The following SHISA9 variants were observed in gnomAD, a reference collection of about 807,000 sequenced individuals.
SHISA9 encodes the protein protein shisa-9.
Under a neutral mutation model 38.0 loss-of-function variants are expected in SHISA9, and 13 were observed. The observed-to-expected ratio is 0.34, with a 90% CI of 0.22 to 0.54. SHISA9 has a LOEUF of 0.54. Ranked by LOEUF, SHISA9 falls within the 20% of genes least tolerant of loss-of-function variation. SHISA9 has a pLI of 0.91. For missense variants in SHISA9, 538 were observed against 575.8 expected, an observed-to-expected ratio of 0.93 and a Z score of 0.67; for synonymous variants, 275 against 242.0, an observed-to-expected ratio of 1.14 and a Z score of -1.27.
chr16:13,087,793 G>A (rs1356589679), intron 2 of SHISA9, among the ~76,000 whole-genome samples: 1 of 152,126 alleles, frequency 6.6e-6, no homozygotes, highest in Admixed American at 6.5e-5. Context: ...TCACTCTGAT[G>A]GTAGTTTCTT....
intron 2 of SHISA9, among the ~76,000 whole-genome samples, chr16:13,118,220 G>T (rs2074050383): frequency 6.6e-6 from 1 of 151,514 alleles, no homozygotes; most frequent in South Asian, 2.1e-4. Context: ...CTAGAGCTGG[G>T]AGATGACACA....
chr16:13,170,943 C>T (rs949945181), intron 2 of SHISA9, among the ~76,000 whole-genome samples: 1 of 152,138 alleles, frequency 6.6e-6, no homozygotes, highest in Non-Finnish European at 1.5e-5. Flanking sequence ...AGGCGTCAAC[C>T]ACCGCGCTGG....
the SHISA9 span, among the ~76,000 whole-genome samples, chr16:13,271,393 C>G: frequency 1.3e-5 from 2 of 152,166 alleles, no homozygotes; most frequent in Non-Finnish European, 2.9e-5. Flanking sequence ...TTGAGAACCA[C>G]AGATGTAGAC....
At chr16:13,541,468 C>G in the SHISA9 span, among the ~76,000 whole-genome samples, 3 of 152,180 alleles carry the variant, frequency 2.0e-5, no homozygotes, top group Non-Finnish European at 4.4e-5. Flanking sequence ...TTGCAGTCTA[C>G]AAACCATTTA....
the SHISA9 span, among the ~76,000 whole-genome samples, chr16:13,458,941 C>T: frequency 6.6e-6 from 1 of 151,726 alleles, no homozygotes; most frequent in Admixed American, 6.6e-5. Flanking sequence ...GATCTCGGCT[C>T]ACTGCAACCT....
At chr16:12,970,203 G>T (rs1049429592) in intron 2 of SHISA9, among the ~76,000 whole-genome samples, 2 of 147,080 alleles carry the variant, frequency 1.4e-5, no homozygotes, top group African/African-American at 2.5e-5. Flanking sequence ...AGATTTAGGG[G>T]GTACAAGTGC....
At chr16:12,933,230 T>G (rs540152840) in intron 2 of SHISA9, among the ~76,000 whole-genome samples, 2 of 152,304 alleles carry the variant, frequency 1.3e-5, no homozygotes, top group African/African-American at 4.8e-5. Flanking sequence ...CAGACCACCA[T>G]AAAACCACAT....
Position 13,059,489 on chromosome 16 carries a change from G to C in SHISA9, c.691+142674G>C, listed in dbSNP as rs2073350005. On this transcript the variant is annotated intron_variant, in intron 2 of 4. Transcript: ENST00000558583. ...TGTAAACATGTGGACATGTGGGTGG[G>C]GGACATCACATACTGGGGCCTGTCA... Among the ~76,000 whole-genome samples the C allele has an allele frequency of 2.0e-5, 3 of 151,994 alleles. No individual in the cohort carries two copies. In the South Asian group the frequency reaches 6.2e-4, roughly 32 times the overall value.
intron 2 of SHISA9, among the ~76,000 whole-genome samples, chr16:12,987,541 C>G (rs1236876508): frequency 6.6e-6 from 1 of 152,088 alleles, no homozygotes; most frequent in Admixed American, 6.6e-5. Context: ...GGAAGCTGAA[C>G]AATGAGAACA....
rs774073391 is a variant in SHISA9, at chr16:12,902,469, C to A, written c.405C>A (p.Pro135=). ...TCTGGCTCAACACCGGCAAGCCCCC[C>A]GCCCGCAAGGACGACCCCTTGCACG... ...TPLWLNTGKP[P]ARKDDPLHDP... Residue 135 remains proline (P), a synonymous_variant, in exon 1 of 5, where the codon CCC becomes CCA. Coordinates refer to ENST00000558583, the MANE Select transcript of SHISA9 (RefSeq NM_001145204.3). 3.9e-6 allele frequency: 6 copies of A among 1,551,546 alleles called. No homozygotes were observed. The South Asian group carries it at 7.1e-5, about 18-fold the overall frequency.
chr16:12,929,560 G>T (rs2071437032), intron 2 of SHISA9, among the ~76,000 whole-genome samples: 1 of 151,960 alleles, frequency 6.6e-6, no homozygotes, highest in Non-Finnish European at 1.5e-5. Flanking sequence ...AACACTGCAT[G>T]TTCTTACTTA....
chr16:13,441,343 C>G, the SHISA9 span, among the ~76,000 whole-genome samples: 3 of 152,190 alleles, frequency 2.0e-5, no homozygotes, highest in Non-Finnish European at 4.4e-5. Context: ...AATTTGTGCA[C>G]CTACTTGGCA....
At chr16:13,348,907 C>T in the SHISA9 span, among the ~76,000 whole-genome samples, 2 of 152,084 alleles carry the variant, frequency 1.3e-5, no homozygotes, top group Non-Finnish European at 2.9e-5. Context: ...TTGCACTCTC[C>T]ATTTGCCTCG....
the SHISA9 span, among the ~76,000 whole-genome samples, chr16:13,503,664 G>T: frequency 6.8e-6 from 1 of 146,338 alleles, no homozygotes; most frequent in African/African-American, 2.6e-5. Flanking sequence ...CACAGGGCCA[G>T]CGTTCTTGAT....
At position 13,214,668 on chromosome 16, in the gene SHISA9, G is replaced by A. The variant is rs181557457; in HGVS notation, c.895+1368G>A. 1.3e-3 allele frequency among the ~76,000 whole-genome samples: 201 copies of A among 152,320 alleles called. 1 individual carries two copies. The highest frequency in any genetic ancestry group is 4.7e-3 in the African/African-American group (195 of 41,570). On this transcript the variant is annotated intron_variant, in intron 4 of 4. Transcript: ENST00000558583. ...AGGTTTATTGGACTCACAGTTCCAC[G>A]TGGCTGGGGAAGTCTCACAATCAGG...
the SHISA9 span, among the ~76,000 whole-genome samples, chr16:13,296,413 G>GAA: frequency 6.6e-6 from 1 of 151,056 alleles, no homozygotes; most frequent in East Asian, 1.9e-4. Flanking sequence ...TGCTGTTTTT[G>GAA]AACAGCACGC....
the SHISA9 span, among the ~76,000 whole-genome samples, chr16:13,483,889 C>G: frequency 3.9e-5 from 6 of 152,280 alleles, no homozygotes; most frequent in East Asian, 7.7e-4. Context: ...TTTGCAATAT[C>G]TTTTACAATA....
the SHISA9 span, among the ~76,000 whole-genome samples, chr16:13,516,275 C>T: frequency 6.6e-6 from 1 of 152,178 alleles, no homozygotes; most frequent in Admixed American, 6.5e-5. Context: ...TTCCTGTCTT[C>T]ATCAACAAAT....
intron 2 of SHISA9, among the ~76,000 whole-genome samples, chr16:13,180,210 T>C (rs2050765466): frequency 6.6e-6 from 1 of 152,228 alleles, no homozygotes; most frequent in Admixed American, 6.5e-5. Flanking sequence ...GGTATAGATA[T>C]ATTCAGAGCC....
Sources: allele counts gnomAD v4.1 joint callset (sites outside exome capture counted in the v4.1 genomes callset), GRCh38; gene constraint gnomAD v4.1.1; transcripts MANE v1.5; gene names NCBI Gene and HGNC (gene_info 2026-07-23, HGNC 2026-07-21).